The following EBF3 variants were observed in gnomAD, a reference collection of about 807,000 sequenced individuals.
EBF3 encodes the protein transcription factor COE3.
In EBF3, 18 loss-of-function variants were observed where a neutral mutation model predicts 77.1. That is an observed-to-expected ratio of 0.23 (90% CI 0.16 to 0.35). The LOEUF (loss-of-function observed/expected upper bound fraction) is 0.35, where lower values mean the gene tolerates loss of function less well. Ranked by LOEUF, EBF3 falls within the 10% of genes least tolerant of loss-of-function variation. EBF3 has a pLI of 1.00. For synonymous variants in EBF3, 350 were observed against 343.5 expected, an observed-to-expected ratio of 1.02 and a Z score of -0.21; for missense variants, 558 against 860.0, an observed-to-expected ratio of 0.65 and a Z score of 4.39.
At chr10:129,887,419 G>A (rs181984910) in intron 6 of EBF3, among the ~76,000 whole-genome samples, 4 of 152,276 alleles carry the variant, frequency 2.6e-5, no homozygotes, top group African/African-American at 4.8e-5. Context: ...CAAGCACAGC[G>A]GCTATAATGC....
chr10:129,888,573 G>A (rs968397143), intron 6 of EBF3, among the ~76,000 whole-genome samples: 5 of 152,216 alleles, frequency 3.3e-5, no homozygotes, highest in South Asian at 2.1e-4. Context: ...CGACATCGGC[G>A]CAGCACAAGC....
intron 6 of EBF3, among the ~76,000 whole-genome samples, chr10:129,887,272 T>C (rs1275217340): frequency 2.0e-5 from 3 of 152,220 alleles, no homozygotes; most frequent in East Asian, 1.9e-4. Context: ...TGATCTCCAC[T>C]ATCTGTTTGA....
intron 6 of EBF3, among the ~76,000 whole-genome samples, chr10:129,893,805 C>G (rs1854182542): frequency 6.6e-6 from 1 of 152,226 alleles, no homozygotes; most frequent in Non-Finnish European, 1.5e-5. Context: ...ATCAGTCTGA[C>G]TCGGAACGTC....
chr10:129,900,535 G>A (rs546620295), intron 6 of EBF3, among the ~76,000 whole-genome samples: 8 of 152,132 alleles, frequency 5.3e-5, no homozygotes, highest in Admixed American at 3.9e-4. Context: ...GGCCAGCACC[G>A]GCCCAAGGTC....
intron 10 of EBF3, among the ~76,000 whole-genome samples, chr10:129,852,794 C>T (rs1319857492): frequency 6.6e-6 from 1 of 152,214 alleles, no homozygotes; most frequent in Non-Finnish European, 1.5e-5. Context: ...AACCATCCAT[C>T]TTAAATCCAG....
intron 6 of EBF3, among the ~76,000 whole-genome samples, chr10:129,925,948 T>C (rs1460616128): frequency 1.3e-5 from 2 of 152,098 alleles, no homozygotes; most frequent in African/African-American, 2.4e-5. Flanking sequence ...TGAAGATCTG[T>C]GGAATCCCTA....
At chr10:129,958,873 T>C in intron 5 of EBF3, 61 bp downstream of exon 5, 1 of 1,545,716 alleles carries the variant, frequency 6.5e-7, no homozygotes, top group Non-Finnish European at 8.7e-7. Context: ...GCGGCGTCCT[T>C]TGTAGACGCA....
rs140114133 is a variant in EBF3, at chr10:129,924,409, C to T, written c.554+32849G>A. The stretch of plus-strand genomic sequence containing the variant: ...CAGCCTGGGCAACAGAGTGAGACTC[C>T]GTCTCAAACAACAACAACAACAAAA... On this transcript the variant is annotated intron_variant, in intron 6 of 16. Coordinates refer to ENST00000440978, the MANE Select transcript of EBF3 (RefSeq NM_001375380.1). Among the ~76,000 whole-genome samples, 2,377 of 146,370 alleles carry T rather than the reference C, an allele frequency of 0.016. 189 individuals are homozygous for T. The East Asian group carries it at 0.26, about 16-fold the overall frequency.
chr10:129,898,186 C>T (rs1440512355), intron 6 of EBF3, among the ~76,000 whole-genome samples: 3 of 152,150 alleles, frequency 2.0e-5, no homozygotes, highest in Non-Finnish European at 2.9e-5. Context: ...GAGAACAAGA[C>T]GATAATTTCA....
At chr10:129,931,968 T>C (rs1045921524) in intron 6 of EBF3, among the ~76,000 whole-genome samples, 3 of 152,086 alleles carry the variant, frequency 2.0e-5, no homozygotes, top group African/African-American at 7.2e-5. Context: ...CCTCTGAACC[T>C]GGCGGTTCTC....
chr10:129,925,621 A>T (rs1023413006), intron 6 of EBF3, among the ~76,000 whole-genome samples: 2 of 151,854 alleles, frequency 1.3e-5, no homozygotes, highest in Non-Finnish European at 2.9e-5. Context: ...AGAAAGAAAG[A>T]AAGTAATGGT....
In EBF3 at chr10:129,885,653, C is replaced by T. The variant is rs533520721; in HGVS notation, c.555-7804G>A. Among the ~76,000 whole-genome samples the T allele has an allele frequency of 1.4e-4, 22 of 152,234 alleles. No homozygotes were observed. Among genetic ancestry groups the T allele is most frequent in the African/African-American group, 3.9e-4 (16 of 41,544 alleles). ...GACATTATTTCCCCAGCAGATCACG[C>T]GCCCTGTCAATCAGTCTGTATTTTG... On this transcript the variant is annotated intron_variant, in intron 6 of 16. Coordinates refer to ENST00000440978, the MANE Select transcript of EBF3 (RefSeq NM_001375380.1). The surrounding 1 kb of genome is among the most constrained non-coding windows in gnomAD (Gnocchi z 4.0).
At chr10:129,925,594 A>G (rs1856613540) in intron 6 of EBF3, among the ~76,000 whole-genome samples, 1 of 143,908 alleles carries the variant, frequency 6.9e-6, no homozygotes, top group African/African-American at 2.7e-5. Context: ...TCCATCTCAA[A>G]AAAAAAAAAA....
In EBF3 at chr10:129,856,971, G is replaced by A. The variant is rs531923763; in HGVS notation, c.1040-8491C>T. Reference sequence around the variant, plus strand: ...GCCGTTTAGAATAAAGATGTGTCCAGTGCCTGTGTAAAAGCACAGGGCTCC... The same window carrying A: ...GCCGTTTAGAATAAAGATGTGTCCAATGCCTGTGTAAAAGCACAGGGCTCC... On this transcript the variant is annotated intron_variant, in intron 10 of 16. Transcript: ENST00000440978. 9.2e-5 allele frequency among the ~76,000 whole-genome samples: 14 copies of A among 152,288 alleles called. No homozygotes were observed. In the South Asian group the frequency reaches 2.9e-3, roughly 32 times the overall value.
At chr10:129,844,881 G>C (rs1850345564) in intron 11 of EBF3, among the ~76,000 whole-genome samples, 1 of 152,152 alleles carries the variant, frequency 6.6e-6, no homozygotes, top group Non-Finnish European at 1.5e-5. Context: ...GTTTTTCAGA[G>C]GTATTAATAA....
At chr10:129,850,360 A>G (rs1476328445) in intron 10 of EBF3, among the ~76,000 whole-genome samples, 5 of 152,218 alleles carry the variant, frequency 3.3e-5, no homozygotes, top group South Asian at 4.1e-4. Flanking sequence ...ACGCTTTCCA[A>G]TGTTTCAGTT....
chr10:129,932,146 A>G (rs1857067247), intron 6 of EBF3, among the ~76,000 whole-genome samples: 1 of 152,246 alleles, frequency 6.6e-6, no homozygotes, highest in Admixed American at 6.5e-5. Context: ...CCAGGGTAGA[A>G]GCACCCCCTC....
rs376148103 is a variant in EBF3 at position 129,842,317 on chromosome 10, C to A, written c.1195-24G>T. 6.4e-7 allele frequency: 1 copy of A among 1,554,098 alleles called. No individual in the cohort carries two copies. Among genetic ancestry groups the A allele is most frequent in the Non-Finnish European group, 8.7e-7 (1 of 1,148,858 alleles). On this transcript the variant is annotated intron_variant, in intron 12 of 16. Transcript: ENST00000440978. The surrounding 1 kb of genome is among the most constrained non-coding windows in gnomAD (Gnocchi z 4.4). ...TCCTGCAGCAGGAGCAAGTGGGAGC[C>A]GGCCTGTCACCCCAGGCCCGGCCCA...
At chr10:129,868,277 G>C (rs1852168817) in intron 8 of EBF3, among the ~76,000 whole-genome samples, 1 of 152,230 alleles carries the variant, frequency 6.6e-6, no homozygotes, top group South Asian at 2.1e-4. Context: ...GGTTGTTGAA[G>C]GAGATGGAAG....
Sources: gnomAD v4.1 joint callset for allele counts (sites outside exome capture counted in the v4.1 genomes callset) on GRCh38, gnomAD v4.1.1 for gene constraint, Gnocchi (gnomAD v3.1) non-coding constraint, MANE v1.5 for transcripts, NCBI Gene and HGNC (gene_info 2026-07-23, HGNC 2026-07-21) for gene names.